The following SHQ1 variants were observed in gnomAD, a reference collection of about 807,000 sequenced individuals.
The protein encoded by SHQ1 is SHQ1, H/ACA ribonucleoprotein assembly factor.
In SHQ1, 49 loss-of-function variants were observed where a neutral mutation model predicts 53.8. The observed-to-expected ratio is 0.91, with a 90% confidence interval of 0.72 to 1.16. The LOEUF (loss-of-function observed/expected upper bound fraction) is 1.16. SHQ1 is among the 50% of genes most tolerant of loss of function. SHQ1 has a pLI of 0.00. For missense variants in SHQ1, 738 were observed against 683.1 expected (o/e 1.08, Z -0.90); for synonymous variants, 243 against 251.0 (o/e 0.97, Z 0.30).
At chr3:72,726,685 G>A in the SHQ1 span, among the ~76,000 whole-genome samples, 7 of 152,126 alleles carry the variant, frequency 4.6e-5, no homozygotes, top group Non-Finnish European at 7.4e-5. Flanking sequence ...ACAGGAAAGC[G>A]GTGCTCATTC....
intron 10 of SHQ1, among the ~76,000 whole-genome samples, chr3:72,789,584 T>C (rs1002881938): frequency 4.6e-5 from 7 of 152,248 alleles, no homozygotes; most frequent in Non-Finnish European, 1.0e-4. Context: ...GATTTATATT[T>C]TTAAAGTGCT....
At chr3:72,844,467 GTAACA>G (rs752043598) in intron 1 of SHQ1, 44 bp from the exon 2 acceptor site, 2 of 1,453,130 alleles carry the variant, frequency 1.4e-6, no homozygotes, top group Non-Finnish European at 1.9e-6. Context: ...AAATTATAAC[GTAACA>G]TAAGTGGCCA....
chr3:72,784,852 T>C (rs774119158), intron 10 of SHQ1, among the ~76,000 whole-genome samples: 2 of 152,108 alleles, frequency 1.3e-5, no homozygotes, highest in African/African-American at 4.8e-5. Flanking sequence ...TGGGGGGTGG[T>C]AGGTGTCATG....
chr3:72,759,309 A>C (rs1008719239), intron 10 of SHQ1, among the ~76,000 whole-genome samples: 5 of 152,260 alleles, frequency 3.3e-5, no homozygotes, highest in Admixed American at 3.3e-4. Flanking sequence ...GGAGATGCTC[A>C]TTAATAGAGG....
chr3:72,770,084 T>C (rs1039964244), intron 10 of SHQ1, among the ~76,000 whole-genome samples: 2 of 152,246 alleles, frequency 1.3e-5, no homozygotes, highest in Non-Finnish European at 2.9e-5. Flanking sequence ...ATTATTGTTA[T>C]GGACTGATTG....
intron 5 of SHQ1, among the ~76,000 whole-genome samples, chr3:72,826,434 C>T (rs541359308): frequency 6.6e-6 from 1 of 152,290 alleles, no homozygotes; most frequent in East Asian, 1.9e-4. Flanking sequence ...CAATAAATGG[C>T]TAAAATGCTA....
At chr3:72,805,808 T>C (rs891374739) in intron 9 of SHQ1, among the ~76,000 whole-genome samples, 7 of 152,170 alleles carry the variant, frequency 4.6e-5, no homozygotes, top group African/African-American at 1.7e-4. Context: ...CCACAAGCTA[T>C]TCATCATTTG....
chr3:72,846,607 A>G (rs1708336410), intron 1 of SHQ1, among the ~76,000 whole-genome samples: 1 of 152,102 alleles, frequency 6.6e-6, no homozygotes, highest in African/African-American at 2.4e-5. Flanking sequence ...GGCAAACTGT[A>G]TTATCAAAGA....
intron 6 of SHQ1, among the ~76,000 whole-genome samples, chr3:72,818,406 A>T (rs1157875769): frequency 6.6e-6 from 1 of 152,170 alleles, no homozygotes; most frequent in African/African-American, 2.4e-5. Flanking sequence ...TCCATAAAGT[A>T]GACTCTCGAG....
the SHQ1 span, among the ~76,000 whole-genome samples, chr3:72,731,114 C>G: frequency 2.2e-5 from 3 of 137,310 alleles, no homozygotes; most frequent in Admixed American, 7.8e-5. Context: ...AGCCTCATTC[C>G]TCTTGTCCCA....
chr3:72,731,287 T>C, the SHQ1 span, among the ~76,000 whole-genome samples: 1 of 149,388 alleles, frequency 6.7e-6, no homozygotes, highest in Non-Finnish European at 1.5e-5. Flanking sequence ...CTAAGTTTTA[T>C]GGACCAAGGG....
intron 4 of SHQ1, among the ~76,000 whole-genome samples, chr3:72,837,393 G>C (rs930995165): frequency 6.6e-6 from 1 of 151,946 alleles, no homozygotes; most frequent in Non-Finnish European, 1.5e-5. Flanking sequence ...TTCTGTAAAG[G>C]GCTAAATTAT....
chr3:72,762,532 A>G (rs192681860), intron 10 of SHQ1, among the ~76,000 whole-genome samples: 5 of 152,356 alleles, frequency 3.3e-5, no homozygotes, highest in Non-Finnish European at 7.3e-5. Flanking sequence ...GCTGATTTAA[A>G]TAACAGTCCC....
downstream of SHQ1, among the ~76,000 whole-genome samples, chr3:72,747,858 G>A (rs1705282533): frequency 6.6e-6 from 1 of 152,060 alleles, no homozygotes; most frequent in African/African-American, 2.4e-5. Flanking sequence ...GTGTGGTGGT[G>A]CATGCCTGTA....
the SHQ1 span, among the ~76,000 whole-genome samples, chr3:72,743,863 G>C: frequency 6.6e-6 from 1 of 152,212 alleles, no homozygotes; most frequent in Admixed American, 6.5e-5. Flanking sequence ...TGTTCTGGGA[G>C]TTCAGAGGAG....
intron 5 of SHQ1, among the ~76,000 whole-genome samples, chr3:72,830,530 ATTT>A (rs1357989330): frequency 6.6e-6 from 1 of 152,106 alleles, no homozygotes; most frequent in East Asian, 1.9e-4. Flanking sequence ...AAAAAAAAGA[ATTT>A]TTAAATAAAA....
chr3:72,838,964 A>C (rs1194700250), intron 4 of SHQ1, among the ~76,000 whole-genome samples: 1 of 152,178 alleles, frequency 6.6e-6, no homozygotes, highest in Non-Finnish European at 1.5e-5. Context: ...AAAAAAAAAA[A>C]AACCTAAATT....
At chr3:72,762,279 C>T (rs896485384) in intron 10 of SHQ1, among the ~76,000 whole-genome samples, 1 of 152,180 alleles carries the variant, frequency 6.6e-6, no homozygotes, top group Non-Finnish European at 1.5e-5. Context: ...TTTGGCTCAA[C>T]CCCAACCTCC....
At position 72,777,966 on chromosome 3, in the gene SHQ1, T is replaced by C. The variant is rs376419630; in HGVS notation, c.1181+14950A>G. On this transcript the variant is annotated intron_variant, in intron 10 of 10. Coordinates refer to ENST00000325599, the MANE Select transcript of SHQ1 (RefSeq NM_018130.3). ...TAATAGAAGAACCATACATATAGCATGATTCCATTACATAAAGTCCAAAAG... is the reference window on the plus strand; with the variant it reads ...TAATAGAAGAACCATACATATAGCACGATTCCATTACATAAAGTCCAAAAG... 6.2e-4 allele frequency among the ~76,000 whole-genome samples: 95 copies of C among 152,326 alleles called. 2 individuals carry two copies. The South Asian group carries it at 0.019, about 31-fold the overall frequency.
Sources: allele counts gnomAD v4.1 joint callset (sites outside exome capture counted in the v4.1 genomes callset), GRCh38; gene constraint gnomAD v4.1.1; transcripts MANE v1.5; gene names NCBI Gene and HGNC (gene_info 2026-07-23, HGNC 2026-07-21).